The following TMEM131 variants were observed in gnomAD, a reference collection of about 807,000 sequenced individuals.
TMEM131 encodes the protein 2610524E03Rik.
Under a neutral mutation model 211.6 loss-of-function variants are expected in TMEM131, and 66 were observed. The ratio of observed to expected loss-of-function variants is 0.31; its 90% CI spans 0.26 to 0.38. The LOEUF is 0.38. Ranked by LOEUF, TMEM131 falls within the 10% of genes least tolerant of loss-of-function variation. TMEM131 has a pLI of 1.00. For synonymous variants in TMEM131, 844 were observed against 841.3 expected, an observed-to-expected ratio of 1.00 and a Z score of -0.06; for missense variants, 2,036 against 2,299.3, an observed-to-expected ratio of 0.89 and a Z score of 2.34.
intron 22 of TMEM131, among the ~76,000 whole-genome samples, chr2:97,804,826 G>C (rs554926986): frequency 2.0e-5 from 3 of 152,098 alleles, no homozygotes; most frequent in African/African-American, 7.2e-5. Context: ...TCCTACATAA[G>C]AACAACTTCA....
Position 97,802,591 on chromosome 2 carries a change from A to T in TMEM131, c.2542-54T>A, listed in dbSNP as rs1439459638. On this transcript the variant is annotated intron_variant, in intron 23 of 40. Transcript: ENST00000186436. ...AAAGATTTCTATAGTTAAAGCTAAG[A>T]GTAAATACTTTATAATCCTAGTATG... 2.5e-6 allele frequency: 4 copies of T among 1,604,106 alleles called. No homozygotes were observed. In the Admixed American group the frequency reaches 6.8e-5, roughly 27 times the overall value.
At chr2:97,953,568 TGGA>T (rs1678423282) in intron 1 of TMEM131, among the ~76,000 whole-genome samples, 1 of 152,104 alleles carries the variant, frequency 6.6e-6, no homozygotes. Context: ...AAATTACAGG[TGGA>T]GATTTCAACA....
At position 97,821,324 on chromosome 2, in the gene TMEM131, C is replaced by T. The variant is rs570154150; in HGVS notation, c.1075-2603G>A. The stretch of plus-strand genomic sequence containing the variant: ...GCTAAAGGACTGTAAATGCATCAAT[C>T]GGCATTCTGTAAAAACGCACCAATC... On this transcript the variant is annotated intron_variant, in intron 11 of 40. Transcript: ENST00000186436. Among the ~76,000 whole-genome samples the T allele has an allele frequency of 6.2e-4, 94 of 152,278 alleles. 1 individual carries two copies. In the South Asian group the frequency reaches 0.018, roughly 29 times the overall value.
intron 1 of TMEM131, among the ~76,000 whole-genome samples, chr2:97,959,644 C>T (rs936596187): frequency 1.3e-5 from 2 of 152,092 alleles, no homozygotes; most frequent in African/African-American, 4.8e-5. Context: ...TAAATACTTT[C>T]AGCACAGATC....
intron 4 of TMEM131, among the ~76,000 whole-genome samples, chr2:97,881,727 G>A (rs1290746480): frequency 1.5e-5 from 2 of 135,722 alleles, no homozygotes; most frequent in Non-Finnish European, 3.1e-5. Context: ...AAAAAAAGGG[G>A]GGGGGGCGGG....
chr2:97,901,448 G>A (rs1456045508), intron 3 of TMEM131, among the ~76,000 whole-genome samples: 2 of 152,000 alleles, frequency 1.3e-5, no homozygotes, highest in African/African-American at 2.4e-5. Context: ...TTATCCAAAG[G>A]GAAAGAAATC....
intron 23 of TMEM131, 42 bp from the exon 24 acceptor site, chr2:97,802,579 G>A: frequency 6.2e-7 from 1 of 1,601,362 alleles, no homozygotes; most frequent in Non-Finnish European, 8.5e-7. Flanking sequence ...GATTTCTATA[G>A]TTAAAGCTAA....
chr2:97,895,932 T>TG (rs1675593013), intron 3 of TMEM131, among the ~76,000 whole-genome samples: 1 of 152,194 alleles, frequency 6.6e-6, no homozygotes, highest in African/African-American at 2.4e-5. Flanking sequence ...TGCTTTTGCT[T>TG]CTCTAGTTCT....
Position 97,813,013 on chromosome 2 carries a change from C to T in TMEM131, c.1618-264G>A, listed in dbSNP as rs961336171. Among the ~76,000 whole-genome samples, 10 of 152,080 alleles carry T rather than the reference C, an allele frequency of 6.6e-5. 2 individuals are homozygous for T. Among genetic ancestry groups the T allele is most frequent in the Non-Finnish European group, 1.5e-5 (1 of 67,976 alleles). ...TCTAAAAAAAAAAAAAATTACAGTT[C>T]TATGCTTTCCTATGCTTTTGTATAT... On this transcript the variant is annotated intron_variant, in intron 15 of 40. Coordinates refer to ENST00000186436, the MANE Select transcript of TMEM131 (RefSeq NM_015348.2).
At chr2:97,866,634 T>C (rs1307532604) in intron 4 of TMEM131, among the ~76,000 whole-genome samples, 3 of 152,216 alleles carry the variant, frequency 2.0e-5, no homozygotes, top group Non-Finnish European at 4.4e-5. Context: ...TTGGTGTGTA[T>C]ATGTTTCCTT....
At chr2:97,833,341 G>A (rs766979368) in intron 11 of TMEM131, 24 bp downstream of exon 11, 8 of 1,042,850 alleles carry the variant, frequency 7.7e-6, no homozygotes, top group Non-Finnish European at 1.4e-6. Context: ...TATAAATTAG[G>A]GGAAAAAAGA....
At chr2:97,885,619 G>GT (rs1294428713) in intron 4 of TMEM131, among the ~76,000 whole-genome samples, 1 of 151,912 alleles carries the variant, frequency 6.6e-6, no homozygotes. Context: ...TTCCTGGCCT[G>GT]TAAGTTTTCT....
chr2:97,989,412 C>A (rs992856837), intron 1 of TMEM131, among the ~76,000 whole-genome samples: 4 of 152,032 alleles, frequency 2.6e-5, no homozygotes, highest in Non-Finnish European at 5.9e-5. Flanking sequence ...TAGTCAAATT[C>A]ATAAACACAG....
In TMEM131 at chr2:97,756,946, G is replaced by A. The variant is rs996384143; in HGVS notation, c.*153C>T. The A allele has an allele frequency of 1.8e-5, 14 of 757,990 alleles. No homozygotes were observed. The highest frequency in any genetic ancestry group is 1.2e-4 in the African/African-American group (7 of 56,274). 47.0% of individuals were successfully genotyped at this position (757,990 alleles called of 1,614,324 possible). A position where few individuals can be genotyped will look rare whatever the true frequency, so the allele number is the denominator to read the frequency against. On this transcript the variant is annotated 3_prime_UTR_variant, in exon 41 of 41. Transcript: ENST00000186436. ...ATTGCAAGAAAGATCTGAAAGAAGCGAGTGGTCTGAGCCTGCCCTGCTTGG... is the reference window on the plus strand; with the variant it reads ...ATTGCAAGAAAGATCTGAAAGAAGCAAGTGGTCTGAGCCTGCCCTGCTTGG...
Position 97,759,682 on chromosome 2 carries a change from C to T in TMEM131, c.5176G>A (p.Ala1726Thr), listed in dbSNP as rs1041074642. The T allele has an allele frequency of 1.1e-5, 17 of 1,613,472 alleles. No individual in the cohort carries two copies. Among genetic ancestry groups the T allele is most frequent in the Middle Eastern group, 1.6e-4 (1 of 6,084 alleles). Residue 1726 changes from alanine (A) to threonine (T), a missense_variant, in exon 39 of 41, where the codon GCC becomes ACC. Physicochemically the swap from Ala to Thr is moderately conservative, Grantham distance 58 (BLOSUM62 0). Transcript: ENST00000186436. ...PDFTPLNSFS[A>T]FGNSFNLTGE... ...GTTAGATTAAAAGAGTTTCCAAAGGCGGAGAACGAATTGAGGGGAGTGAAG... is the reference window on the plus strand; with the variant it reads ...GTTAGATTAAAAGAGTTTCCAAAGGTGGAGAACGAATTGAGGGGAGTGAAG...
chr2:97,912,953 C>A (rs189061481), intron 2 of TMEM131: 1 of 152,124 alleles, frequency 6.6e-6, no homozygotes, highest in Non-Finnish European at 1.5e-5. Flanking sequence ...TTTTATAAAA[C>A]GAACACATCT....
At chr2:97,920,635 C>A (rs1676701414) in intron 2 of TMEM131, among the ~76,000 whole-genome samples, 1 of 152,148 alleles carries the variant, frequency 6.6e-6, no homozygotes, top group Admixed American at 6.5e-5. Flanking sequence ...CACATTTCTA[C>A]ATTTTATGTT....
Position 97,995,785 on chromosome 2 carries a change from C to T in TMEM131, c.-123G>A. 2.9e-6 allele frequency: 2 copies of T among 681,486 alleles called. No individual in the cohort carries two copies. The highest frequency in any genetic ancestry group is 7.1e-5 in the South Asian group (1 of 13,998). 42.2% of individuals were successfully genotyped at this position (681,486 alleles called of 1,614,324 possible). ...CGCCGGGAGCGACAACGGTTGCGAGCCCGGGGCTCGATCTCCGAGCGTGGG... is the reference window on the plus strand; with the variant it reads ...CGCCGGGAGCGACAACGGTTGCGAGTCCGGGGCTCGATCTCCGAGCGTGGG... On this transcript the variant is annotated 5_prime_UTR_variant, in exon 1 of 41. Coordinates refer to ENST00000186436, the MANE Select transcript of TMEM131 (RefSeq NM_015348.2).
At chr2:97,980,246 G>A (rs1337890350) in intron 1 of TMEM131, among the ~76,000 whole-genome samples, 1 of 152,202 alleles carries the variant, frequency 6.6e-6, no homozygotes, top group Non-Finnish European at 1.5e-5. Flanking sequence ...CATAAAAATA[G>A]AAGTGAGCAT....
Sources: gnomAD v4.1 joint callset for allele counts (sites outside exome capture counted in the v4.1 genomes callset) on GRCh38, gnomAD v4.1.1 for gene constraint, MANE v1.5 for transcripts, NCBI Gene and HGNC (gene_info 2026-07-23, HGNC 2026-07-21) for gene names.